Variants in UNC79 observed in about 807,000 individuals in gnomAD.
The protein encoded by UNC79 is unc-79 subunit of NALCN channel complex.
UNC79 carries 37 observed loss-of-function variants against 283.1 expected under a neutral mutation model. That is an observed-to-expected ratio of 0.13 (90% CI 0.10 to 0.17). The LOEUF (loss-of-function observed/expected upper bound fraction) is 0.17, where lower values mean the gene tolerates loss of function less well. Ranked by LOEUF, UNC79 falls within the 10% of genes least tolerant of loss-of-function variation. UNC79 has a pLI of 1.00. For synonymous variants in UNC79, 1,107 were observed against 1,200.2 expected (o/e 0.92, Z 1.61); for missense variants, 2,272 against 3,211.1 (o/e 0.71, Z 7.07).
intron 4 of UNC79, among the ~76,000 whole-genome samples, chr14:93,482,440 C>T (rs1194113127): frequency 1.3e-5 from 2 of 152,088 alleles, no homozygotes; most frequent in Non-Finnish European, 2.9e-5. Flanking sequence ...TTATGTTTAA[C>T]TGATAATGCC....
intron 1 of UNC79, among the ~76,000 whole-genome samples, chr14:93,372,215 G>A (rs2054466838): frequency 2.0e-5 from 3 of 152,108 alleles, no homozygotes; most frequent in Admixed American, 6.5e-5. Flanking sequence ...TAGCAACAAT[G>A]TATTCAATTA....
chr14:93,566,340 G>A (rs2062877545), intron 14 of UNC79, among the ~76,000 whole-genome samples: 1 of 152,148 alleles, frequency 6.6e-6, no homozygotes, highest in African/African-American at 2.4e-5. Flanking sequence ...GGGAGACAGT[G>A]GAAGTGCAAG....
At chr14:93,630,594 C>G (rs562889454) in intron 30 of UNC79, among the ~76,000 whole-genome samples, 1 of 152,282 alleles carries the variant, frequency 6.6e-6, no homozygotes, top group East Asian at 1.9e-4. Context: ...AAAGGCAGAT[C>G]CATAGGTGCA....
At chr14:93,583,452 A>C (rs905783343) in intron 20 of UNC79, among the ~76,000 whole-genome samples, 5 of 152,220 alleles carry the variant, frequency 3.3e-5, no homozygotes, top group African/African-American at 9.6e-5. Flanking sequence ...TCTGGGGTTC[A>C]TTGCAACTGT....
At chr14:93,468,903 T>C (rs1055162295) in intron 2 of UNC79, among the ~76,000 whole-genome samples, 3 of 152,230 alleles carry the variant, frequency 2.0e-5, no homozygotes, top group Admixed American at 6.5e-5. Context: ...CAAATTGTAG[T>C]GGAATAATTA....
chr14:93,579,190 T>C (rs1162779109), intron 18 of UNC79, among the ~76,000 whole-genome samples: 4 of 152,170 alleles, frequency 2.6e-5, no homozygotes. Flanking sequence ...AGGCGTAAGA[T>C]ATAATAATGT....
intron 43 of UNC79, among the ~76,000 whole-genome samples, chr14:93,687,681 A>C (rs2074352908): frequency 6.6e-6 from 1 of 152,196 alleles, no homozygotes; most frequent in African/African-American, 2.4e-5. Context: ...AGAATATCTC[A>C]CGATATGTAA....
intron 14 of UNC79, among the ~76,000 whole-genome samples, chr14:93,543,970 A>G (rs1372227498): frequency 6.6e-6 from 1 of 152,130 alleles, no homozygotes; most frequent in Admixed American, 6.5e-5. Flanking sequence ...CTTTGGTGCC[A>G]CCTACTGACT....
In UNC79 at chr14:93,690,035, C is replaced by T; in HGVS notation, c.7086-82C>T. 4 of 1,465,754 alleles carry T rather than the reference C, an allele frequency of 2.7e-6. No individual in the cohort carries two copies. Among genetic ancestry groups the T allele is most frequent in the South Asian group, 1.3e-5 (1 of 75,716 alleles). 90.8% of individuals were successfully genotyped at this position (1,465,754 alleles called of 1,614,324 possible). A position where few individuals can be genotyped will look rare whatever the true frequency, so the allele number is the denominator to read the frequency against. ...TGCCTGCAAGACCACACTTTCAATC[C>T]CTTCCTTCAATAAGCATTTGTTATG... On this transcript the variant is annotated intron_variant, in intron 44 of 48. Transcript: ENST00000555664. This position sits in a 1 kb window ranked among gnomAD's most constrained non-coding sequence, Gnocchi z 4.3.
Position 93,690,436 on chromosome 14 carries a change from T to G in UNC79, c.7272+133T>G. The stretch of plus-strand genomic sequence containing the variant: ...CTCCTGTGGATGTTAGAAACACAAC[T>G]TTGTGCTAATGTCTTATTTAAAGTT... On this transcript the variant is annotated intron_variant, in intron 45 of 48. Coordinates refer to ENST00000555664, the Ensembl canonical transcript of UNC79. The surrounding 1 kb of genome is among the most constrained non-coding windows in gnomAD (Gnocchi z 4.3). 9.8e-7 allele frequency: 1 copy of G among 1,017,158 alleles called. No homozygotes were observed. Among genetic ancestry groups the G allele is most frequent in the Non-Finnish European group, 1.4e-6 (1 of 719,620 alleles). The allele number at this position is 1,017,158 out of a possible 1,614,324, so 63.0% of individuals were successfully genotyped here.
chr14:93,370,853 G>A (rs1329226263), intron 1 of UNC79, among the ~76,000 whole-genome samples: 1 of 151,684 alleles, frequency 6.6e-6, no homozygotes, highest in Non-Finnish European at 1.5e-5. Flanking sequence ...AAACAACAAT[G>A]ACAACAAAGA....
At chr14:93,512,447 A>T (rs2059871776) in intron 7 of UNC79, among the ~76,000 whole-genome samples, 1 of 152,032 alleles carries the variant, frequency 6.6e-6, no homozygotes, top group Admixed American at 6.5e-5. Context: ...TTTTGGAAAA[A>T]TTTGGGATAT....
intron 17 of UNC79, among the ~76,000 whole-genome samples, chr14:93,576,386 A>T (rs963479451): frequency 6.6e-6 from 1 of 152,136 alleles, no homozygotes; most frequent in African/African-American, 2.4e-5. Context: ...ATGCAATATA[A>T]CTTTGTAACA....
intron 13 of UNC79, among the ~76,000 whole-genome samples, chr14:93,541,144 G>A (rs891647574): frequency 4.6e-5 from 7 of 152,228 alleles, no homozygotes; most frequent in South Asian, 2.1e-4. Context: ...GGTACAAGTC[G>A]GGAAGTTGCT....
At chr14:93,360,058 T>C (rs972589200) in intron 1 of UNC79, among the ~76,000 whole-genome samples, 3 of 152,174 alleles carry the variant, frequency 2.0e-5, no homozygotes, top group African/African-American at 7.2e-5. Flanking sequence ...AGGTAATTAA[T>C]GGAGTGTTAG....
intron 46 of UNC79, among the ~76,000 whole-genome samples, chr14:93,693,117 C>T (rs1386112502): frequency 6.6e-6 from 1 of 152,120 alleles, no homozygotes; most frequent in Admixed American, 6.5e-5. Flanking sequence ...GCACTTTGTT[C>T]TTTAGAGATG....
intron 31 of UNC79, among the ~76,000 whole-genome samples, chr14:93,632,139 C>G (rs1354757604): frequency 6.6e-6 from 1 of 152,180 alleles, no homozygotes; most frequent in African/African-American, 2.4e-5. Context: ...TTTAGACTTA[C>G]AAAGCCATGT....
At chr14:93,613,298 A>G (rs909677895) in intron 27 of UNC79, among the ~76,000 whole-genome samples, 4 of 149,912 alleles carry the variant, frequency 2.7e-5, no homozygotes, top group African/African-American at 5.0e-5. Context: ...GAGAGACTGC[A>G]TGCGTGTGTG....
intron 19 of UNC79, 42 bp from the exon 20 acceptor site, chr14:93,582,161 C>G (rs1323292637): frequency 1.2e-6 from 2 of 1,613,800 alleles, no homozygotes; most frequent in South Asian, 2.2e-5. Context: ...CCTGACACCC[C>G]TCCAGGGCTG....
Sources: gnomAD v4.1 joint callset for allele counts (sites outside exome capture counted in the v4.1 genomes callset) on GRCh38, gnomAD v4.1.1 for gene constraint, Gnocchi (gnomAD v3.1) non-coding constraint, MANE v1.5 for transcripts, NCBI Gene and HGNC (gene_info 2026-07-23, HGNC 2026-07-21) for gene names.